TMEM91: variants seen among roughly 807,000 people sequenced by gnomAD.
The protein encoded by TMEM91 is transmembrane protein 91.
Under a neutral mutation model 13.3 loss-of-function variants are expected in TMEM91, and 6 were observed. The observed-to-expected ratio is 0.45, with a 90% CI of 0.25 to 0.89. The LOEUF is 0.89. TMEM91 is among the 40% of genes least tolerant of loss of function. The pLI is 0.19. For missense variants in TMEM91, 193 were observed against 228.7 expected (o/e 0.84, Z 1.01); for synonymous variants, 87 against 101.7 (o/e 0.86, Z 0.87).
At chr19:41,372,519 TA>T (rs1231246087), upstream of TMEM91, among the ~76,000 whole-genome samples, 3 of 84,462 alleles carry the variant, frequency 3.6e-5, no homozygotes, top group East Asian at 7.3e-4. Context: ...ATTTTATTGT[TA>T]TTTATTATTA....
chr19:41,373,946 G>A (rs1046388884), upstream of TMEM91: 5 of 152,222 alleles, frequency 3.3e-5, no homozygotes, highest in Admixed American at 6.6e-5. Flanking sequence ...CCAAAGGGCT[G>A]GGATTACAGG....
upstream of TMEM91, among the ~76,000 whole-genome samples, chr19:41,372,798 TTATAA>T (rs756754178): frequency 7.2e-5 from 11 of 152,048 alleles, no homozygotes; most frequent in Non-Finnish European, 1.5e-4. Flanking sequence ...TTTTTTTTTG[TTATAA>T]TAAGTAATCT....
chr19:41,383,537 T>C, intron 3 of TMEM91, 178 bp from the exon 4 acceptor site: 1 of 1,574,686 alleles, frequency 6.4e-7, no homozygotes, highest in South Asian at 1.2e-5. Context: ...TTTTACCATT[T>C]TAATGTTTTT....
At chr19:41,368,304 C>G (rs2038560170) in intron 1 of TMEM91, among the ~76,000 whole-genome samples, 1 of 151,848 alleles carries the variant, frequency 6.6e-6, no homozygotes, top group African/African-American at 2.4e-5. Flanking sequence ...GCAGTCCCAT[C>G]TACTTAGGAG....
chr19:41,382,014 T>C (rs7255918), intron 2 of TMEM91, among the ~76,000 whole-genome samples: 95,769 of 151,692 alleles, frequency 0.63, 30,801 homozygotes, highest in African/African-American at 0.73. Context: ...TACAGGGGCA[T>C]ACCACCACGC....
chr19:41,368,159 C>A (rs922908834), intron 1 of TMEM91, among the ~76,000 whole-genome samples: 1 of 151,982 alleles, frequency 6.6e-6, no homozygotes, highest in Admixed American at 6.6e-5. Context: ...GTCTGTAATC[C>A]CAGCACATTG....
intron 1 of TMEM91, among the ~76,000 whole-genome samples, chr19:41,364,735 C>G (rs1164127388): frequency 1.3e-5 from 2 of 151,868 alleles, no homozygotes; most frequent in Admixed American, 6.6e-5. Context: ...GTTGGGGTAG[C>G]GAAGAGAAAT....
Position 41,384,012 on chromosome 19 carries a change from T to A in TMEM91, c.*139T>A. 2 of 1,398,960 alleles carry A rather than the reference T, an allele frequency of 1.4e-6. No individual in the cohort carries two copies. The highest frequency in any genetic ancestry group is 6.4e-5 in the Admixed American group (2 of 31,012). The allele number at this position is 1,398,960 out of a possible 1,614,324, so 86.7% of individuals were successfully genotyped here. Reference sequence around the variant, plus strand: ...ACGGGAGCGAGCTGGACTGGAACCCTTCCCCTTCCTGGCCACCGCTCTTCG... The same window carrying A: ...ACGGGAGCGAGCTGGACTGGAACCCATCCCCTTCCTGGCCACCGCTCTTCG... On this transcript the variant is annotated 3_prime_UTR_variant, in exon 4 of 4. Coordinates refer to ENST00000392002, the MANE Select transcript of TMEM91 (RefSeq NM_001098821.2).
At chr19:41,377,863 A>T (rs1166961763) in intron 1 of TMEM91, among the ~76,000 whole-genome samples, 2 of 151,694 alleles carry the variant, frequency 1.3e-5, no homozygotes, top group African/African-American at 4.8e-5. Context: ...ATACAAAAAA[A>T]AAAATTAGCC....
chr19:41,373,334 C>T (rs1051114991), upstream of TMEM91, among the ~76,000 whole-genome samples: 3 of 151,902 alleles, frequency 2.0e-5, no homozygotes, highest in African/African-American at 7.3e-5. Context: ...AGAGCTCTCA[C>T]TGGAAGTGAA....
chr19:41,379,738 T>C (rs1432631871), intron 2 of TMEM91, among the ~76,000 whole-genome samples: 2 of 151,960 alleles, frequency 1.3e-5, no homozygotes, highest in South Asian at 2.1e-4. Flanking sequence ...GATGAACTCT[T>C]ACGGTTTCTG....
chr19:41,366,918 C>A (rs1357537850), intron 1 of TMEM91, among the ~76,000 whole-genome samples: 2 of 151,014 alleles, frequency 1.3e-5, no homozygotes, highest in East Asian at 4.0e-4. Context: ...AGAGTGGATA[C>A]CCTGAGGTCA....
chr19:41,375,843 C>G (rs1042827676), upstream of TMEM91, among the ~76,000 whole-genome samples: 11 of 150,778 alleles, frequency 7.3e-5, no homozygotes, highest in Non-Finnish European at 4.4e-5. Context: ...AAAAATCTGC[C>G]GGGCGCGGTG....
intron 1 of TMEM91, among the ~76,000 whole-genome samples, chr19:41,369,393 G>A (rs1275096830): frequency 1.3e-5 from 2 of 151,896 alleles, no homozygotes; most frequent in African/African-American, 2.4e-5. Flanking sequence ...GGCCATCCCG[G>A]CTACTTTGGA....
rs537981889 is a variant in TMEM91, at chr19:41,368,429, G to C, written c.-30+4334G>C. Among the ~76,000 whole-genome samples the C allele has an allele frequency of 3.8e-4, 56 of 148,882 alleles. 1 individual carries two copies. Among genetic ancestry groups the C allele is most frequent in the African/African-American group, 1.4e-3 (55 of 40,660 alleles). On this transcript the variant is annotated intron_variant, in intron 1 of 3. Coordinates refer to the TMEM91 transcript ENST00000413014. The stretch of plus-strand genomic sequence containing the variant: ...GAAAACCTGTCACCTTTTTTTTGGG[G>C]GGGGTGGTTATTGGGTTTTTTTGAG...
chr19:41,383,328 A>T lies in TMEM91; in HGVS notation c.361-387A>T, dbSNP rs2038936706. 4 of 443,224 alleles carry T rather than the reference A, an allele frequency of 9.0e-6. No homozygotes were observed. In the Admixed American group the frequency reaches 1.2e-4, roughly 14 times the overall value. The allele number at this position is 443,224 out of a possible 1,614,324, so 27.5% of individuals were successfully genotyped here. ...CTTGGCCTCCCAAAGTGCTGGGATT[A>T]CAGGCGTGAGCCACGGTGCCCAGCT... On this transcript the variant is annotated intron_variant, in intron 3 of 3. Coordinates refer to ENST00000392002, the MANE Select transcript of TMEM91 (RefSeq NM_001098821.2).
At chr19:41,381,076 C>CAAA (rs1166323642) in intron 2 of TMEM91, among the ~76,000 whole-genome samples, 841 of 52,798 alleles carry the variant, frequency 0.016, 55 homozygotes, top group African/African-American at 0.054. Context: ...GACTCTGTCT[C>CAAA]AAAAAAAAAA....
intron 1 of TMEM91, among the ~76,000 whole-genome samples, chr19:41,365,652 G>GC (rs1212369521): frequency 1.3e-5 from 2 of 149,074 alleles, no homozygotes; most frequent in African/African-American, 2.5e-5. Context: ...TGGTCCACCC[G>GC]CCTCAGCCTC....
chr19:41,369,432 A>T (rs189372286), intron 1 of TMEM91, among the ~76,000 whole-genome samples: 2 of 150,630 alleles, frequency 1.3e-5, no homozygotes, highest in African/African-American at 4.9e-5. Context: ...CCTTGAGTGC[A>T]GGAAGTCCAG....
Sources: gnomAD v4.1 joint callset for allele counts (sites outside exome capture counted in the v4.1 genomes callset) on GRCh38, gnomAD v4.1.1 for gene constraint, MANE v1.5 for transcripts, NCBI Gene and HGNC (gene_info 2026-07-23, HGNC 2026-07-21) for gene names.